The following PLD4 variants were observed in gnomAD, a reference collection of about 807,000 sequenced individuals.
PLD4 encodes phospholipase D family member 4, also known as 5'-3' exonuclease PLD4.
PLD4 carries 54 observed loss-of-function variants against 52.3 expected under a neutral mutation model. The ratio of observed to expected loss-of-function variants is 1.03; its 90% CI spans 0.83 to 1.30. The LOEUF is 1.30. PLD4 is among the 50% of genes most tolerant of loss of function. The pLI is 0.00. For synonymous variants in PLD4, 264 were observed against 286.5 expected (o/e 0.92, Z 0.79); for missense variants, 731 against 671.1 (o/e 1.09, Z -0.99).
chr14:104,930,645 G>A, intron 6 of PLD4, 97 bp from the exon 7 acceptor site: 1 of 1,310,840 alleles, frequency 7.6e-7, no homozygotes, highest in Non-Finnish European at 1.1e-6. Flanking sequence ...GTCGGGCAGG[G>A]ACTGCACCTG....
At position 104,927,178 on chromosome 14, in the gene PLD4, C is replaced by G; in HGVS notation, c.38C>G (p.Thr13Arg). 1 of 1,562,758 alleles carries G rather than the reference C, an allele frequency of 6.4e-7. No homozygotes were observed. The highest frequency in any genetic ancestry group is 2.4e-5 in the East Asian group (1 of 41,874). ...KPLWKAAVAPTWPCSMPPRRP... is the reference protein window; with the variant it reads ...KPLWKAAVAPRWPCSMPPRRP... Reference sequence around the variant, plus strand: ...CTTTGGAAAGCAGCAGTGGCCCCCACATGGCCATGCTCCATGCCGCCCCGC... The same window carrying G: ...CTTTGGAAAGCAGCAGTGGCCCCCAGATGGCCATGCTCCATGCCGCCCCGC... Residue 13 changes from threonine (T) to arginine (R), a missense_variant, in exon 2 of 11, where the codon ACA becomes AGA. By Grantham distance (71) the Thr-to-Arg change is moderately conservative (BLOSUM62 -1). Coordinates refer to ENST00000392593, the MANE Select transcript of PLD4 (RefSeq NM_138790.5).
Position 104,927,779 on chromosome 14 carries a change from A to C in PLD4, c.197A>C (p.Lys66Thr). The change falls in exon 3 of 11, where the codon AAG (lysine) becomes ACG (threonine). Residue 66 changes from lysine to threonine, a missense_variant. Transcript: ENST00000392593. ...CCCACCTGGGGCCAGGTGCAGCCCAAGGACGTGCCCAGGTCCTGGGAGCAT... is the reference window on the plus strand; with the variant it reads ...CCCACCTGGGGCCAGGTGCAGCCCACGGACGTGCCCAGGTCCTGGGAGCAT... ...RPPTWGQVQPKDVPRSWEHGS... is the reference protein window; with the variant it reads ...RPPTWGQVQPTDVPRSWEHGS... The C allele has an allele frequency of 6.3e-7, 1 of 1,599,458 alleles. No homozygotes were observed. Among genetic ancestry groups the C allele is most frequent in the Non-Finnish European group, 8.5e-7 (1 of 1,177,438 alleles).
At position 104,930,925 on chromosome 14, in the gene PLD4, A is replaced by C; in HGVS notation, c.901A>C (p.Thr301Pro). 6.2e-7 allele frequency: 1 copy of C among 1,613,168 alleles called. No individual in the cohort carries two copies. Among genetic ancestry groups the C allele is most frequent in the South Asian group, 1.1e-5 (1 of 91,074 alleles). The change falls in exon 7 of 11, where the codon ACC (threonine) becomes CCC (proline). Residue 301 changes from threonine to proline, a missense_variant. Coordinates refer to ENST00000392593, the MANE Select transcript of PLD4 (RefSeq NM_138790.5). ...CCACGGCCTCTTTGATGGGGTGCCC[A>C]CCACTGCCTACTTCTCAGTAAGACG... Reference protein sequence around the residue: ...PFHGLFDGVPTTAYFSASPPA... With the variant: ...PFHGLFDGVPPTAYFSASPPA...
At chr14:104,928,014 T>C (rs904665982) in intron 3 of PLD4, 148 bp downstream of exon 3, 10 of 930,524 alleles carry the variant, frequency 1.1e-5, no homozygotes, top group African/African-American at 6.7e-5. Context: ...GCCACGACCA[T>C]ATGAGCTGGA....
intron 5 of PLD4, 134 bp downstream of exon 5, chr14:104,929,561 C>A: frequency 1.5e-6 from 2 of 1,337,316 alleles, no homozygotes; most frequent in Non-Finnish European, 2.0e-6. Context: ...CCCAGGAGGG[C>A]AGGACCCAGG....
Position 104,931,814 on chromosome 14 carries a change from GGGAGCGCCCA to G in PLD4, c.990_999del (p.Ala331SerfsTer6). 1 of 1,580,038 alleles carries G rather than the reference GGGAGCGCCCA, an allele frequency of 6.3e-7. No homozygotes were observed. The highest frequency in any genetic ancestry group is 8.6e-7 in the Non-Finnish European group (1 of 1,162,700). On this transcript the variant is annotated frameshift_variant, in exon 8 of 11. Coordinates refer to ENST00000392593, the MANE Select transcript of PLD4 (RefSeq NM_138790.5). LOFTEE classifies it high-confidence loss of function. Reference sequence around the variant, plus strand: ...CCTGGAGGCGCTGCTGGCGGTGATGGGGAGCGCCCAGGAGTTCATCTATGCCTCCGTGATG... The same window carrying G: ...CCTGGAGGCGCTGCTGGCGGTGATGGGGAGTTCATCTATGCCTCCGTGATG...
Position 104,928,932 on chromosome 14 carries a change from G to A in PLD4, c.468G>A (p.Leu156=), listed in dbSNP as rs943462516. ...GGGTCAACGACTCGTCTTCCCAGCT[G>A]GTGCGCCCCGCCCTGGCCCCACCGC... The part of the protein sequence containing the change: ...DIGVNDSSSQ[L]GEALLQKLQQ... The change falls in exon 4 of 11, where the codon CTG becomes CTA. Residue 156 remains leucine (L), a splice_region_variant and synonymous_variant. Coordinates refer to ENST00000392593, the MANE Select transcript of PLD4 (RefSeq NM_138790.5). The A allele has an allele frequency of 1.3e-6, 2 of 1,595,002 alleles. No homozygotes were observed. The highest frequency in any genetic ancestry group is 1.7e-6 in the Non-Finnish European group (2 of 1,166,090).
At chr14:104,928,687 T>G (rs1244625633) in intron 3 of PLD4, 62 bp from the exon 4 acceptor site, 3 of 1,465,272 alleles carry the variant, frequency 2.0e-6, no homozygotes, top group Non-Finnish European at 9.2e-7. Context: ...ATGGGGCAGG[T>G]GATGTGAGGT....
rs1897683452 is a variant in PLD4, at chr14:104,932,356, G to A, written c.1321+1G>A. The A allele has an allele frequency of 3.1e-6, 5 of 1,612,468 alleles. No homozygotes were observed. Among genetic ancestry groups the A allele is most frequent in the Middle Eastern group, 1.7e-4 (1 of 6,008 alleles). The stretch of plus-strand genomic sequence containing the variant: ...GTCACGGAGAAGGCAGCCTACATAG[G>A]TGAGCGCGATCAGATCACGGCGGGC... On this transcript the variant is annotated splice_donor_variant, in intron 10 of 10. Coordinates refer to ENST00000392593, the MANE Select transcript of PLD4 (RefSeq NM_138790.5). LOFTEE classifies it high-confidence loss of function. The surrounding 1 kb of genome is among the most constrained non-coding windows in gnomAD (Gnocchi z 6.5).
Position 104,933,037 on chromosome 14 carries a change from C to T in PLD4, c.*73C>T. On this transcript the variant is annotated 3_prime_UTR_variant, in exon 11 of 11. Transcript: ENST00000392593. ...CCTCTGACCCCGGCCTGGGCTTCAGCCGCTTCCTCCCGCAAGCAGCCCGGG... is the reference window on the plus strand; with the variant it reads ...CCTCTGACCCCGGCCTGGGCTTCAGTCGCTTCCTCCCGCAAGCAGCCCGGG... The T allele has an allele frequency of 7.0e-7, 1 of 1,435,786 alleles. No individual in the cohort carries two copies. The highest frequency in any genetic ancestry group is 1.4e-5 in the South Asian group (1 of 71,464). The allele number at this position is 1,435,786 out of a possible 1,614,324, so 88.9% of individuals were successfully genotyped here.
intron 7 of PLD4, among the ~76,000 whole-genome samples, chr14:104,931,496 A>G (rs1471723222): frequency 6.6e-6 from 1 of 152,154 alleles, no homozygotes; most frequent in Admixed American, 6.5e-5. Flanking sequence ...CCCTGTGGCC[A>G]GGAACTGTTT....
At chr14:104,927,650 C>A in intron 2 of PLD4, 23 bp from the exon 3 acceptor site, 1 of 1,543,766 alleles carries the variant, frequency 6.5e-7, no homozygotes. Flanking sequence ...GTCTGGTGAC[C>A]CTGCGGGTGC....
rs1010768330 is a variant in PLD4 at position 104,932,421 on chromosome 14, G to T, written c.1321+66G>T. On this transcript the variant is annotated intron_variant, in intron 10 of 10. Transcript: ENST00000392593. The surrounding 1 kb of genome is among the most constrained non-coding windows in gnomAD (Gnocchi z 6.5). Reference sequence around the variant, plus strand: ...CCAGGCACGGGCGAGGGAGGCACTGGCTTTGTGACCGGCGTGGACACCTCA... The same window carrying T: ...CCAGGCACGGGCGAGGGAGGCACTGTCTTTGTGACCGGCGTGGACACCTCA... 2 of 1,535,862 alleles carry T rather than the reference G, an allele frequency of 1.3e-6. No individual in the cohort carries two copies. The highest frequency in any genetic ancestry group is 2.7e-5 in the African/African-American group (2 of 73,258).
Position 104,928,846 on chromosome 14 carries a change from A to G in PLD4, c.382A>G (p.Thr128Ala), listed in dbSNP as rs1428290567. 1 of 1,612,458 alleles carries G rather than the reference A, an allele frequency of 6.2e-7. No individual in the cohort carries two copies. The highest frequency in any genetic ancestry group is 1.7e-5 in the Admixed American group (1 of 60,014). ...CCAGGCCTGGCTGCAGCTGCTGGACACTGCCCAGGAGAGCGTCCACGTGGC... is the reference window on the plus strand; with the variant it reads ...CCAGGCCTGGCTGCAGCTGCTGGACGCTGCCCAGGAGAGCGTCCACGTGGC... ...LGQAWLQLLD[T>A]AQESVHVASY... is the part of the protein sequence containing the mutation. The change falls in exon 4 of 11, where the codon ACT becomes GCT. Residue 128 changes from threonine to alanine, a missense_variant. Transcript: ENST00000392593.
chr14:104,929,906 T>C lies in PLD4; in HGVS notation c.590-72T>C, dbSNP rs1595379928. ...TGAGTCAACCCCACTGTCAAGAGCT[T>C]GGGGTCAGGCTCACCATGAAGCTAG... On this transcript the variant is annotated intron_variant, in intron 5 of 10. Coordinates refer to ENST00000392593, the MANE Select transcript of PLD4 (RefSeq NM_138790.5). 9.0e-6 allele frequency: 14 copies of C among 1,560,202 alleles called. No homozygotes were observed. The East Asian group carries it at 3.1e-4, about 35-fold the overall frequency.
In PLD4 at chr14:104,932,381, C is replaced by T. The variant is rs746861517; in HGVS notation, c.1321+26C>T. The T allele has an allele frequency of 5.3e-5, 85 of 1,608,558 alleles. No homozygotes were observed. Among genetic ancestry groups the T allele is most frequent in the Non-Finnish European group, 7.0e-5 (82 of 1,177,168 alleles). On this transcript the variant is annotated intron_variant, in intron 10 of 10. Coordinates refer to ENST00000392593, the MANE Select transcript of PLD4 (RefSeq NM_138790.5). The surrounding 1 kb of genome is among the most constrained non-coding windows in gnomAD (Gnocchi z 6.5). ...GTGAGCGCGATCAGATCACGGCGGG[C>T]GGGCCCCAGGGTGGCCAGGCACGGG... is the stretch of plus-strand genomic sequence containing the variant.
chr14:104,929,916 C>A, intron 5 of PLD4, 62 bp from the exon 6 acceptor site: 1 of 1,587,220 alleles, frequency 6.3e-7, no homozygotes, highest in South Asian at 1.1e-5. Flanking sequence ...TGGGGTCAGG[C>A]TCACCATGAA....
intron 1 of PLD4, among the ~76,000 whole-genome samples, chr14:104,926,902 G>C (rs1466296309): frequency 2.0e-5 from 3 of 152,216 alleles, no homozygotes; most frequent in African/African-American, 7.2e-5. Flanking sequence ...TTCCGGCTTG[G>C]CCAGGGGGAC....
At position 104,930,057 on chromosome 14, in the gene PLD4, G is replaced by A. The variant is rs772901877; in HGVS notation, c.669G>A (p.Arg223=). 5.6e-5 allele frequency: 91 copies of A among 1,613,534 alleles called. 1 individual carries two copies. In the Admixed American group the frequency reaches 1.0e-3, roughly 18 times the overall value. ...CCAAATTCTGGGTTGTGGATGGACG[G>A]CACATATACATGGGCAGTGCCAACA... ...LHSKFWVVDG[R]HIYMGSANMD... Residue 223 remains arginine, a synonymous_variant, in exon 6 of 11, where the codon CGG becomes CGA. Transcript: ENST00000392593.
Sources: gnomAD v4.1 joint callset for allele counts (sites outside exome capture counted in the v4.1 genomes callset) on GRCh38, gnomAD v4.1.1 for gene constraint, Gnocchi (gnomAD v3.1) non-coding constraint, MANE v1.5 for transcripts, NCBI Gene and HGNC (gene_info 2026-07-23, HGNC 2026-07-21) for gene names.